Variants in RGMA observed in about 807,000 individuals in gnomAD.
RGMA encodes the protein repulsive guidance molecule A.
Under a neutral mutation model 23.2 loss-of-function variants are expected in RGMA, and 10 were observed. The observed-to-expected ratio is 0.43, with a 90% CI of 0.27 to 0.73. The LOEUF is 0.73. Among genes scored for constraint, RGMA ranks in the 30% least tolerant of loss-of-function variants. The pLI is 0.20. For synonymous variants in RGMA, 308 were observed against 279.3 expected, an observed-to-expected ratio of 1.10 and a Z score of -1.03; for missense variants, 547 against 630.5, an observed-to-expected ratio of 0.87 and a Z score of 1.42.
rs539024734 is a variant in RGMA, at chr15:93,088,626, C to T, written c.14+293G>A. On this transcript the variant is annotated intron_variant, in intron 1 of 3. Transcript: ENST00000329082. ...GAGCCGGGCTGAGGGAAGGAGCTCC[C>T]AGCCCGCACACGGTGTAAGGGACGT... The T allele has an allele frequency of 1.1e-4, 112 of 1,020,164 alleles. 1 individual carries two copies. In the African/African-American group the frequency reaches 1.7e-3, roughly 16 times the overall value. The allele number at this position is 1,020,164 out of a possible 1,614,324, so 63.2% of individuals were successfully genotyped here. A position where few individuals can be genotyped will look rare whatever the true frequency, so the allele number is the denominator to read the frequency against.
At chr15:93,049,717 T>C (rs994706866) in intron 3 of RGMA, among the ~76,000 whole-genome samples, 1 of 152,172 alleles carries the variant, frequency 6.6e-6, no homozygotes, top group Non-Finnish European at 1.5e-5. Context: ...GCAAATCTCA[T>C]AGCTGCAAGG....
rs1285557233 is a variant in RGMA at position 93,041,668 on chromosome 15, ACCAATG to A, written c.*3324_*3329del. The stretch of plus-strand genomic sequence containing the variant: ...GAACTGTTCTCTGTGCCGGACGAGC[ACCAATG>A]GCTCCGCTCCTCCTTGCTGCCTCCC... On this transcript the variant is annotated 3_prime_UTR_variant, in exon 4 of 4. Transcript: ENST00000329082. The A allele has an allele frequency of 2.0e-5, 3 of 152,118 alleles. No homozygotes were observed. In the East Asian group the frequency reaches 5.8e-4, roughly 29 times the overall value. 9.4% of individuals were successfully genotyped at this position (152,118 alleles called of 1,614,324 possible).
In RGMA at chr15:93,043,414, A is replaced by G. The variant is rs2054755583; in HGVS notation, c.*1584T>C. 6.6e-6 allele frequency: 1 copy of G among 152,538 alleles called. No homozygotes were observed. The allele number at this position is 152,538 out of a possible 1,614,324, so 9.4% of individuals were successfully genotyped here. ...ACAAACTCCAACACGTCTAAAAGAA[A>G]ATAACAAAAAAACCAAACTTTACTT... On this transcript the variant is annotated 3_prime_UTR_variant, in exon 4 of 4. Coordinates refer to ENST00000329082, the MANE Select transcript of RGMA (RefSeq NM_020211.3).
At chr15:93,048,679 C>G (rs1283857057) in intron 3 of RGMA, among the ~76,000 whole-genome samples, 1 of 152,190 alleles carries the variant, frequency 6.6e-6, no homozygotes, top group Admixed American at 6.5e-5. Context: ...ATTGCTGCTA[C>G]TCTACCATTC....
intron 2 of RGMA, among the ~76,000 whole-genome samples, chr15:93,072,205 A>G (rs969210468): frequency 6.6e-6 from 1 of 152,222 alleles, no homozygotes; most frequent in Admixed American, 6.5e-5. Flanking sequence ...CAAAAACAAG[A>G]GGTCCGGGCT....
Position 93,048,822 on chromosome 15 carries a change from C to T in RGMA, c.646-3117G>A, listed in dbSNP as rs927322091. Among the ~76,000 whole-genome samples the T allele has an allele frequency of 5.3e-5, 7 of 131,422 alleles. No homozygotes were observed. In the Admixed American group the frequency reaches 6.4e-4, roughly 12 times the overall value. 86.2% of individuals were successfully genotyped at this position (131,422 alleles called of 152,430 possible). On this transcript the variant is annotated intron_variant, in intron 3 of 3. Coordinates refer to ENST00000329082, the MANE Select transcript of RGMA (RefSeq NM_020211.3). ...GGTGGGCCAGCCAGGGTGGTCTGGG[C>T]CGTGGGTGGTCCTGCCATGGGGGGA...
chr15:93,078,504 A>C (rs1393972575), intron 1 of RGMA, among the ~76,000 whole-genome samples: 2 of 152,150 alleles, frequency 1.3e-5, no homozygotes, highest in Non-Finnish European at 2.9e-5. Flanking sequence ...CCTCTTTCAG[A>C]CTTTAAGGGC....
Position 93,044,579 on chromosome 15 carries a change from T to G in RGMA, c.*419A>C. The stretch of plus-strand genomic sequence containing the variant: ...GTGCTCTCGTGTAAGAGTGTGTGCG[T>G]GCGTGTGGCGGGCACAGGGGGCCCC... On this transcript the variant is annotated 3_prime_UTR_variant, in exon 4 of 4. Transcript: ENST00000329082. The G allele has an allele frequency of 8.2e-6, 2 of 245,316 alleles. No individual in the cohort carries two copies. Among genetic ancestry groups the G allele is most frequent in the Non-Finnish European group, 1.6e-5 (2 of 125,090 alleles). The allele number at this position is 245,316 out of a possible 1,614,324, so 15.2% of individuals were successfully genotyped here.
intron 1 of RGMA, among the ~76,000 whole-genome samples, chr15:93,077,634 G>A (rs1895493735): frequency 6.6e-6 from 1 of 152,202 alleles, no homozygotes; most frequent in Non-Finnish European, 1.5e-5. Context: ...TCCAACATAG[G>A]ATCGGTTTAG....
intron 1 of RGMA, among the ~76,000 whole-genome samples, chr15:93,083,814 G>A (rs1895595922): frequency 6.6e-6 from 1 of 152,232 alleles, no homozygotes; most frequent in Non-Finnish European, 1.5e-5. Context: ...ATGCCATCAT[G>A]AACTTCGTAA....
At position 93,065,977 on chromosome 15, in the gene RGMA, C is replaced by A. The variant is rs778727072; in HGVS notation, c.130+6939G>T. ...GGGTGGGGGGCGCCGTCGTCTGGGC[C>A]GCTGCGCGGAGTCTTTGGCCCGTTC... On this transcript the variant is annotated intron_variant, in intron 2 of 3. Coordinates refer to ENST00000329082, the MANE Select transcript of RGMA (RefSeq NM_020211.3). The A allele has an allele frequency of 2.1e-5, 23 of 1,097,140 alleles. No homozygotes were observed. The Admixed American group carries it at 4.5e-4, about 21-fold the overall frequency. 68.0% of individuals were successfully genotyped at this position (1,097,140 alleles called of 1,614,324 possible). A position where few individuals can be genotyped will look rare whatever the true frequency, so the allele number is the denominator to read the frequency against.
At chr15:93,085,304 G>C (rs1410418616) in intron 1 of RGMA, among the ~76,000 whole-genome samples, 2 of 152,146 alleles carry the variant, frequency 1.3e-5, no homozygotes, top group African/African-American at 4.8e-5. Context: ...ATGAGTTTTG[G>C]GGCGTTTTTA....
intron 1 of RGMA, among the ~76,000 whole-genome samples, chr15:93,077,140 C>T (rs777843732): frequency 5.9e-5 from 9 of 152,162 alleles, no homozygotes; most frequent in Non-Finnish European, 8.8e-5. Context: ...GGCTGAAGTG[C>T]GGCTGTAGAA....
intron 2 of RGMA, among the ~76,000 whole-genome samples, chr15:93,070,140 T>C (rs890333845): frequency 2.6e-5 from 4 of 152,142 alleles, no homozygotes; most frequent in Admixed American, 2.6e-4. Context: ...GTTAGAAGGC[T>C]CCAAAAGTTG....
At position 93,045,295 on chromosome 15, in the gene RGMA, G is replaced by A. The variant is rs771462720; in HGVS notation, c.1056C>T (p.Pro352=). 2.4e-5 allele frequency: 38 copies of A among 1,612,456 alleles called. No homozygotes were observed. The highest frequency in any genetic ancestry group is 4.0e-5 in the African/African-American group (3 of 74,892). Residue 352 remains proline, a synonymous_variant, in exon 4 of 4, where the codon CCC becomes CCT. Coordinates refer to ENST00000329082, the MANE Select transcript of RGMA (RefSeq NM_020211.3). The surrounding 1 kb of genome is among the most constrained non-coding windows in gnomAD (Gnocchi z 6.9). ...LAAASPAPTA[P]ETFPYETAVA... is the part of the protein sequence containing the mutation. Reference sequence around the variant, plus strand: ...CGGCTGTCTCGTATGGGAAGGTCTCGGGGGCTGTGGGTGCAGGGCTGGCGG... The same window carrying A: ...CGGCTGTCTCGTATGGGAAGGTCTCAGGGGCTGTGGGTGCAGGGCTGGCGG...
intron 1 of RGMA, among the ~76,000 whole-genome samples, chr15:93,081,784 AATG>A (rs1895562860): frequency 6.6e-6 from 1 of 152,258 alleles, no homozygotes; most frequent in Non-Finnish European, 1.5e-5. Flanking sequence ...AACTGTTTAG[AATG>A]GCTAAGCAAA....
At chr15:93,062,030 A>G (rs1894982207) in intron 2 of RGMA, among the ~76,000 whole-genome samples, 2 of 152,082 alleles carry the variant, frequency 1.3e-5, no homozygotes, top group South Asian at 4.2e-4. Flanking sequence ...ACCCGCGTGC[A>G]AAGGGATTAG....
Position 93,082,886 on chromosome 15 carries a change from G to A in RGMA, c.14+6033C>T, listed in dbSNP as rs549788726. ...ACTTAAACAACAGGAAGATATTTAGGTAAACCTATCCACAGTATCAGTTCA... is the reference window on the plus strand; with the variant it reads ...ACTTAAACAACAGGAAGATATTTAGATAAACCTATCCACAGTATCAGTTCA... On this transcript the variant is annotated intron_variant, in intron 1 of 3. Transcript: ENST00000329082. 3.3e-5 allele frequency among the ~76,000 whole-genome samples: 5 copies of A among 152,356 alleles called. No individual in the cohort carries two copies. The South Asian group carries it at 1.0e-3, about 32-fold the overall frequency.
chr15:93,051,396 C>T (rs192306339), intron 3 of RGMA, among the ~76,000 whole-genome samples: 73 of 152,334 alleles, frequency 4.8e-4, no homozygotes, highest in Middle Eastern at 3.4e-3. Flanking sequence ...GTGTCCCCAT[C>T]GCCTGAACTG....
Sources: gnomAD v4.1 joint callset for allele counts (sites outside exome capture counted in the v4.1 genomes callset) on GRCh38, gnomAD v4.1.1 for gene constraint, Gnocchi (gnomAD v3.1) non-coding constraint, MANE v1.5 for transcripts, NCBI Gene and HGNC (gene_info 2026-07-23, HGNC 2026-07-21) for gene names.